Variants in TCEA3 observed in about 807,000 individuals in gnomAD.
TCEA3 encodes transcription elongation factor A protein 3.
In TCEA3, 36 loss-of-function variants were observed where a neutral mutation model predicts 44.0. The ratio of observed to expected loss-of-function variants is 0.82; its 90% CI spans 0.63 to 1.08. The LOEUF is 1.08. TCEA3 is among the 50% of genes least tolerant of loss of function. The probability of loss-of-function intolerance (pLI) is 0.00; values close to 1 mark genes in which losing one functional copy is unlikely to be tolerated. For missense variants in TCEA3, 392 were observed against 441.2 expected (o/e 0.89, Z 1.00); for synonymous variants, 162 against 159.7 (o/e 1.01, Z -0.11).
chr1:23,398,686 G>T (rs2148560149), intron 5 of TCEA3, among the ~76,000 whole-genome samples: 1 of 152,302 alleles, frequency 6.6e-6, no homozygotes, highest in South Asian at 2.1e-4. Flanking sequence ...ACACCACTGA[G>T]ATTTGCCTAA....
intron 5 of TCEA3, among the ~76,000 whole-genome samples, chr1:23,402,176 C>G (rs1639415323): frequency 6.6e-6 from 1 of 152,150 alleles, no homozygotes; most frequent in South Asian, 2.1e-4. Flanking sequence ...ACTGTCTGTA[C>G]TAAACATATA....
At chr1:23,384,295 G>T in intron 10 of TCEA3, 51 bp downstream of exon 10, 1 of 1,613,174 alleles carries the variant, frequency 6.2e-7, no homozygotes, top group South Asian at 1.1e-5. Flanking sequence ...CGCCTTATGC[G>T]GGCGAGGTAT....
chr1:23,397,510 C>T (rs774660640), intron 7 of TCEA3, 35 bp downstream of exon 7: 5 of 1,602,622 alleles, frequency 3.1e-6, no homozygotes, highest in Admixed American at 3.4e-5. Flanking sequence ...CTAGACGGTG[C>T]AGACACCCAC....
intron 5 of TCEA3, 117 bp downstream of exon 5, chr1:23,408,547 T>G: frequency 9.8e-7 from 1 of 1,016,416 alleles, no homozygotes; most frequent in East Asian, 2.6e-5. Context: ...GGCAACATAA[T>G]GTAGGAGGTT....
chr1:23,424,493 C>G (rs1444998114), intron 1 of TCEA3, 72 bp downstream of exon 1: 1 of 1,427,176 alleles, frequency 7.0e-7, no homozygotes, highest in African/African-American at 1.4e-5. Context: ...CCAGTACGTC[C>G]CCACCCCGGA....
intron 1 of TCEA3, chr1:23,423,896 C>A: frequency 2.2e-6 from 1 of 455,884 alleles, no homozygotes; most frequent in Middle Eastern, 3.3e-4. Flanking sequence ...CCCTCGCCCT[C>A]GCTGCACAGG....
intron 4 of TCEA3, among the ~76,000 whole-genome samples, chr1:23,414,868 G>A (rs1639840532): frequency 6.6e-6 from 1 of 152,134 alleles, no homozygotes; most frequent in African/African-American, 2.4e-5. Context: ...AATGATGTCT[G>A]TGTTTCAGGC....
At chr1:23,395,069 A>G (rs1166721199) in intron 7 of TCEA3, among the ~76,000 whole-genome samples, 2 of 152,234 alleles carry the variant, frequency 1.3e-5, no homozygotes, top group Non-Finnish European at 2.9e-5. Context: ...GGAAAAATGA[A>G]AACAGATGAC....
chr1:23,406,058 C>T (rs546425640), intron 5 of TCEA3, among the ~76,000 whole-genome samples: 2 of 152,272 alleles, frequency 1.3e-5, no homozygotes, highest in East Asian at 3.9e-4. Flanking sequence ...CTGCTGAGAT[C>T]CACTGGTCTA....
chr1:23,383,882 G>A, intron 10 of TCEA3: 1 of 994,298 alleles, frequency 1.0e-6, no homozygotes, highest in Non-Finnish European at 1.2e-6. Flanking sequence ...TTCCTTAGGA[G>A]GGAAGGATGG....
chr1:23,419,041 C>A (rs531496339), intron 2 of TCEA3, 36 bp downstream of exon 2: 7 of 1,259,782 alleles, frequency 5.6e-6, no homozygotes, highest in Middle Eastern at 2.3e-4. Flanking sequence ...GCTCTCCCCC[C>A]AGGCACTGTC....
chr1:23,416,000 C>CTTTTTT lies in TCEA3; in HGVS notation c.380+1243_380+1248dup, dbSNP rs768819564. On this transcript the variant is annotated intron_variant, in intron 4 of 10. Transcript: ENST00000450454. ...TTTTTTTCTACTTTTCTACATTTTC[C>CTTTTTT]TTTTTTTTTTTTTTTTTTTTTGTGA... Among the ~76,000 whole-genome samples, 10 of 118,714 alleles carry CTTTTTT rather than the reference C, an allele frequency of 8.4e-5. 1 individual carries two copies. The highest frequency in any genetic ancestry group is 1.2e-4 in the Non-Finnish European group (7 of 58,882). 77.9% of individuals were successfully genotyped at this position (118,714 alleles called of 152,430 possible).
chr1:23,381,269 A>T lies in TCEA3; in HGVS notation c.*197T>A. On this transcript the variant is annotated 3_prime_UTR_variant, in exon 11 of 11. Coordinates refer to ENST00000450454, the MANE Select transcript of TCEA3 (RefSeq NM_003196.3). ...TACAAATTCTCAGCATCATTCTCCAATTAGGCTCCCCCATTAACCAATTGT... is the reference window on the plus strand; with the variant it reads ...TACAAATTCTCAGCATCATTCTCCATTTAGGCTCCCCCATTAACCAATTGT... The T allele has an allele frequency of 1.7e-6, 1 of 599,394 alleles. No homozygotes were observed. The highest frequency in any genetic ancestry group is 3.0e-6 in the Non-Finnish European group (1 of 330,700). 37.1% of individuals were successfully genotyped at this position (599,394 alleles called of 1,614,324 possible).
chr1:23,381,204 C>T lies in TCEA3; in HGVS notation c.*262G>A, dbSNP rs565016751. 75 of 488,668 alleles carry T rather than the reference C, an allele frequency of 1.5e-4. 1 individual carries two copies. The highest frequency in any genetic ancestry group is 1.2e-3 in the South Asian group (46 of 37,134). The allele number at this position is 488,668 out of a possible 1,614,324, so 30.3% of individuals were successfully genotyped here. On this transcript the variant is annotated 3_prime_UTR_variant, in exon 11 of 11. Transcript: ENST00000450454. ...TTTGCAGATTACAGCCATAAACCAC[C>T]GTGCCCAGCCCTCTGCAGTTTCTAA...
Position 23,424,650 on chromosome 1 carries a change from C to T in TCEA3, c.-17G>A, listed in dbSNP as rs745315821. 1.2e-6 allele frequency: 2 copies of T among 1,600,332 alleles called. No individual in the cohort carries two copies. Among genetic ancestry groups the T allele is most frequent in the Admixed American group, 3.4e-5 (2 of 59,608 alleles). On this transcript the variant is annotated 5_prime_UTR_variant, in exon 1 of 11. Coordinates refer to ENST00000450454, the MANE Select transcript of TCEA3 (RefSeq NM_003196.3). ...CTGGCCCATGTTGGCCCGCGACGCC[C>T]GGCGGGGCGAGGGGCACAGGGGCAG... is the stretch of plus-strand genomic sequence containing the variant.
intron 5 of TCEA3, among the ~76,000 whole-genome samples, chr1:23,400,349 A>G (rs943441341): frequency 1.3e-5 from 2 of 148,666 alleles, no homozygotes; most frequent in African/African-American, 5.0e-5. Context: ...AGGACTGACT[A>G]CAGGCAGATG....
chr1:23,423,864 G>C (rs1179982572), intron 1 of TCEA3: 2 of 455,946 alleles, frequency 4.4e-6, no homozygotes, highest in Non-Finnish European at 8.8e-6. Context: ...CCAACCTCCC[G>C]CCGAGCCCGC....
chr1:23,398,357 G>A (rs772900310), intron 5 of TCEA3, among the ~76,000 whole-genome samples: 6 of 152,224 alleles, frequency 3.9e-5, no homozygotes, highest in Middle Eastern at 3.2e-3. Flanking sequence ...CACTGTGCTA[G>A]CTGCTCTCTA....
chr1:23,421,562 A>G (rs925310570), intron 1 of TCEA3, among the ~76,000 whole-genome samples: 2 of 151,976 alleles, frequency 1.3e-5, no homozygotes, highest in African/African-American at 4.8e-5. Flanking sequence ...CACTCATCCC[A>G]TGGCCAATTT....
Sources: gnomAD v4.1 joint callset for allele counts (sites outside exome capture counted in the v4.1 genomes callset) on GRCh38, gnomAD v4.1.1 for gene constraint, MANE v1.5 for transcripts, NCBI Gene and HGNC (gene_info 2026-07-23, HGNC 2026-07-21) for gene names.